RIMS2: variants seen among roughly 807,000 people sequenced by gnomAD.
The protein encoded by RIMS2 is regulating synaptic membrane exocytosis 2.
RIMS2 carries 59 observed loss-of-function variants against 174.4 expected under a neutral mutation model. That is an observed-to-expected ratio of 0.34 (90% CI 0.27 to 0.42). RIMS2 has a LOEUF of 0.42. Ranked by LOEUF, RIMS2 falls within the 10% of genes least tolerant of loss-of-function variation. The probability of loss-of-function intolerance (pLI) is 1.00; values close to 1 mark genes in which losing one functional copy is unlikely to be tolerated. For missense variants in RIMS2, 1,620 were observed against 1,666.3 expected, an observed-to-expected ratio of 0.97 and a Z score of 0.48; for synonymous variants, 606 against 572.5, an observed-to-expected ratio of 1.06 and a Z score of -0.84.
chr8:103,797,779 A>G (rs4734730), intron 3 of RIMS2, among the ~76,000 whole-genome samples: 37,208 of 152,056 alleles, frequency 0.24, 4,917 homozygotes, highest in Non-Finnish European at 0.27. Flanking sequence ...TTCATTTTAA[A>G]TAATTTGCTT....
At chr8:104,237,850 C>A (rs2099266809) in intron 19 of RIMS2, among the ~76,000 whole-genome samples, 1 of 152,012 alleles carries the variant, frequency 6.6e-6, no homozygotes, top group African/African-American at 2.4e-5. Flanking sequence ...AGTAGCAAGA[C>A]CTGAGAAGCA....
intron 19 of RIMS2, among the ~76,000 whole-genome samples, chr8:104,051,348 TGTAAA>T (rs1450266155): frequency 6.6e-6 from 1 of 152,122 alleles, no homozygotes; most frequent in East Asian, 1.9e-4. Context: ...AAGAAAGCTA[TGTAAA>T]GTAATTTGAT....
chr8:103,676,549 T>C (rs2096815915), intron 1 of RIMS2, among the ~76,000 whole-genome samples: 1 of 151,166 alleles, frequency 6.6e-6, no homozygotes, highest in Non-Finnish European at 1.5e-5. Context: ...TCTCAGTTAG[T>C]TGCTTAAGCT....
At chr8:104,170,827 A>G (rs190020468) in intron 19 of RIMS2, among the ~76,000 whole-genome samples, 1 of 152,154 alleles carries the variant, frequency 6.6e-6, no homozygotes, top group East Asian at 1.9e-4. Context: ...AACTCCTCTT[A>G]GCATTTCTTG....
chr8:103,720,335 T>A (rs1032478260), intron 2 of RIMS2, among the ~76,000 whole-genome samples: 4 of 152,214 alleles, frequency 2.6e-5, no homozygotes, highest in Non-Finnish European at 4.4e-5. Context: ...ATTAAGTATA[T>A]GTAATTTAGC....
chr8:103,804,269 A>G (rs1261679880), intron 3 of RIMS2, among the ~76,000 whole-genome samples: 2 of 152,184 alleles, frequency 1.3e-5, no homozygotes, highest in African/African-American at 4.8e-5. Flanking sequence ...CCAAGAGAGA[A>G]TGAGAATCAA....
chr8:104,150,093 G>A (rs116013149), intron 19 of RIMS2, among the ~76,000 whole-genome samples: 2,486 of 151,946 alleles, frequency 0.016, 62 homozygotes, highest in African/African-American at 0.054. Flanking sequence ...ATACATGTTG[G>A]CCTTTTGAAA....
intron 11 of RIMS2, among the ~76,000 whole-genome samples, chr8:103,930,178 C>CA (rs937957892): frequency 2.2e-4 from 33 of 149,026 alleles, no homozygotes; most frequent in East Asian, 5.9e-4. Flanking sequence ...TTCCATTTGG[C>CA]AAAAAAAAAG....
intron 3 of RIMS2, among the ~76,000 whole-genome samples, chr8:103,803,041 C>T (rs993100190): frequency 3.9e-5 from 6 of 152,108 alleles, no homozygotes; most frequent in Non-Finnish European, 7.4e-5. Context: ...CTTATATTCT[C>T]TGCCTTCCTG....
chr8:103,551,505 CA>C (rs1356317138), intron 1 of RIMS2, among the ~76,000 whole-genome samples: 1 of 152,124 alleles, frequency 6.6e-6, no homozygotes, highest in Non-Finnish European at 1.5e-5. Context: ...ACTGAATGTA[CA>C]AAAACTGGAA....
At chr8:103,768,852 T>C (rs2098213890) in intron 3 of RIMS2, 1 of 578,004 alleles carries the variant, frequency 1.7e-6, no homozygotes. Context: ...AATGGTGCCA[T>C]ATTGCTCTGG....
At chr8:103,926,314 TAAAGCATTA>T (rs1010959324) in intron 10 of RIMS2, among the ~76,000 whole-genome samples, 37 of 151,598 alleles carry the variant, frequency 2.4e-4, no homozygotes, top group African/African-American at 8.5e-4. Flanking sequence ...TGTCATTTGC[TAAAGCATTA>T]TAATAGCCTG....
intron 19 of RIMS2, among the ~76,000 whole-genome samples, chr8:104,157,962 T>C (rs1429769783): frequency 6.6e-6 from 1 of 152,202 alleles, no homozygotes; most frequent in African/African-American, 2.4e-5. Context: ...GTGCACAACG[T>C]GCAGGTTTGT....
intron 1 of RIMS2, among the ~76,000 whole-genome samples, chr8:103,535,988 C>G (rs1839571182): frequency 6.6e-6 from 1 of 152,184 alleles, no homozygotes; most frequent in Non-Finnish European, 1.5e-5. Flanking sequence ...CATCTGTCTT[C>G]AATACTTGTA....
intron 1 of RIMS2, among the ~76,000 whole-genome samples, chr8:103,639,643 A>G (rs1020006306): frequency 2.6e-5 from 4 of 151,902 alleles, no homozygotes; most frequent in African/African-American, 9.7e-5. Context: ...TTTATTGCTG[A>G]GTAGTATTCT....
chr8:103,856,648 T>C (rs2099029216), intron 3 of RIMS2, among the ~76,000 whole-genome samples: 1 of 152,222 alleles, frequency 6.6e-6, no homozygotes, highest in African/African-American at 2.4e-5. Context: ...AAGCATTCAT[T>C]TGTTAAACAA....
chr8:104,217,511 C>A (rs1012599976), intron 19 of RIMS2, among the ~76,000 whole-genome samples: 1 of 152,130 alleles, frequency 6.6e-6, no homozygotes, highest in Non-Finnish European at 1.5e-5. Flanking sequence ...TCAGGCAATC[C>A]ACCCACCTCA....
At chr8:103,516,834 A>G (rs1829247367) in intron 1 of RIMS2, among the ~76,000 whole-genome samples, 1 of 152,196 alleles carries the variant, frequency 6.6e-6, no homozygotes, top group South Asian at 2.1e-4. Flanking sequence ...GAGGTACTAC[A>G]TGGCGCTGCT....
chr8:104,241,649 T>C (rs1446051783), intron 19 of RIMS2, among the ~76,000 whole-genome samples: 1 of 152,194 alleles, frequency 6.6e-6, no homozygotes, highest in Non-Finnish European at 1.5e-5. Flanking sequence ...TCTCACCTGA[T>C]GGGAATTTTT....
Sources: gnomAD v4.1 joint callset for allele counts (sites outside exome capture counted in the v4.1 genomes callset) on GRCh38, gnomAD v4.1.1 for gene constraint, MANE v1.5 for transcripts, NCBI Gene and HGNC (gene_info 2026-07-23, HGNC 2026-07-21) for gene names.